The following MYNN variants were observed in gnomAD, a reference collection of about 807,000 sequenced individuals.
The protein encoded by MYNN is zinc finger and BTB domain-containing protein 31.
A neutral mutation model predicts 57.2 loss-of-function variants in MYNN; 22 were observed. The ratio of observed to expected loss-of-function variants is 0.38; its 90% CI spans 0.27 to 0.55. The LOEUF (loss-of-function observed/expected upper bound fraction) is 0.55. MYNN is among the 20% of genes least tolerant of loss of function. The pLI, the probability that MYNN is intolerant of heterozygous loss-of-function variation, is 0.71. For synonymous variants in MYNN, 241 were observed against 257.1 expected, an observed-to-expected ratio of 0.94 and a Z score of 0.60; for missense variants, 566 against 723.1, an observed-to-expected ratio of 0.78 and a Z score of 2.49.
chr3:169,783,440 T>C, intron 5 of MYNN, 37 bp from the exon 6 acceptor site: 1 of 1,142,208 alleles, frequency 8.8e-7, no homozygotes, highest in Non-Finnish European at 1.3e-6. Context: ...TATATTGGTA[T>C]AGTACACCAC....
chr3:169,779,426 A>G lies in MYNN; in HGVS notation c.925A>G (p.Lys309Glu), dbSNP rs1393428856. The change falls in exon 3 of 8, where the codon AAA (lysine) becomes GAA (glutamate). Residue 309 changes from lysine to glutamate, a missense_variant. By Grantham distance (56) the Lys-to-Glu change is moderately conservative. Transcript: ENST00000349841. ...KAKPMCNTCGKVFSEASSLRR... is the reference protein window; with the variant it reads ...KAKPMCNTCGEVFSEASSLRR... ...CAAGCCAATGTGTAACACATGTGGG[A>G]AAGTGTTTTCAGAAGCCAGCAGTTT... The G allele has an allele frequency of 6.2e-7, 1 of 1,614,092 alleles. No homozygotes were observed. Among genetic ancestry groups the G allele is most frequent in the Non-Finnish European group, 8.5e-7 (1 of 1,180,052 alleles).
At chr3:169,784,814 A>G (rs1404715880) in intron 7 of MYNN, 106 bp downstream of exon 7, 1 of 651,656 alleles carries the variant, frequency 1.5e-6, no homozygotes, top group Non-Finnish European at 2.5e-6. Flanking sequence ...AGCAGTTTAA[A>G]TTAGATGTCT....
intron 3 of MYNN, 27 bp downstream of exon 3, chr3:169,779,588 A>C (rs1371995293): frequency 6.3e-7 from 1 of 1,595,044 alleles, no homozygotes; most frequent in East Asian, 2.2e-5. Flanking sequence ...GGGAGATATT[A>C]TTTTTATACT....
Position 169,773,402 on chromosome 3 carries a change from G to C in MYNN, c.-92G>C, listed in dbSNP as rs938831952. On this transcript the variant is annotated 5_prime_UTR_variant, in exon 1 of 8. Coordinates refer to ENST00000349841, the MANE Select transcript of MYNN (RefSeq NM_018657.5). ...GAGGGGCGGAGCGTGGCTCGGTGACGTCCTCCCAAGATGGCGGAGACAGAG... is the reference window on the plus strand; with the variant it reads ...GAGGGGCGGAGCGTGGCTCGGTGACCTCCTCCCAAGATGGCGGAGACAGAG... 6.6e-6 allele frequency: 1 copy of C among 152,348 alleles called. No homozygotes were observed. The highest frequency in any genetic ancestry group is 2.4e-5 in the African/African-American group (1 of 41,456). 9.4% of individuals were successfully genotyped at this position (152,348 alleles called of 1,614,324 possible).
Position 169,782,726 on chromosome 3 carries a change from C to G in MYNN, c.1399+83C>G. On this transcript the variant is annotated intron_variant, in intron 5 of 7. Transcript: ENST00000349841. This position sits in a 1 kb window ranked among gnomAD's most constrained non-coding sequence, Gnocchi z 4.8. ...ACTTGGGCCTTTTAGCGAAGTAGAT[C>G]GGAAACTTTGTAGTTAGATATCTGT... 2 of 1,135,612 alleles carry G rather than the reference C, an allele frequency of 1.8e-6. No individual in the cohort carries two copies. Among genetic ancestry groups the G allele is most frequent in the South Asian group, 3.0e-5 (2 of 67,202 alleles). The allele number at this position is 1,135,612 out of a possible 1,614,324, so 70.3% of individuals were successfully genotyped here. A position where few individuals can be genotyped will look rare whatever the true frequency, so the allele number is the denominator to read the frequency against.
intron 7 of MYNN, among the ~76,000 whole-genome samples, chr3:169,785,914 A>G (rs193163154): frequency 3.7e-4 from 57 of 152,220 alleles, no homozygotes; most frequent in African/African-American, 1.3e-3. Context: ...TGAAAGTGCC[A>G]TACATACTGT....
chr3:169,785,074 G>GA, intron 7 of MYNN, among the ~76,000 whole-genome samples: 1 of 147,486 alleles, frequency 6.8e-6, no homozygotes. Context: ...AAAAAAAGGG[G>GA]GGGGGGGTGG....
In MYNN at chr3:169,782,541, C is replaced by A. The variant is rs1281623839; in HGVS notation, c.1297C>A (p.His433Asn). Residue 433 changes from histidine to asparagine, a missense_variant, in exon 5 of 8, where the codon CAT (histidine) becomes AAT (asparagine). Around this residue, in one of 4 missense-constraint regions of MYNN, gnomAD observed 123 missense variants for 222.6 expected, o/e 0.55. Transcript: ENST00000349841. The surrounding 1 kb of genome is among the most constrained non-coding windows in gnomAD (Gnocchi z 4.8). ...RFAQASTLTY[H>N]VRRHTGEKPY... ...TGCTCAAGCCAGCACACTGACCTAT[C>A]ATGTCCGTAGGCATACTGGAGAAAA... is the stretch of plus-strand genomic sequence containing the variant. The A allele has an allele frequency of 6.2e-7, 1 of 1,613,900 alleles. No homozygotes were observed. Among genetic ancestry groups the A allele is most frequent in the African/African-American group, 1.3e-5 (1 of 74,922 alleles).
intron 3 of MYNN, 25 bp downstream of exon 3, chr3:169,779,586 T>C (rs746213520): frequency 1.6e-5 from 25 of 1,597,800 alleles, no homozygotes; most frequent in East Asian, 1.1e-4. Context: ...TGGGGAGATA[T>C]TATTTTTATA....
intron 7 of MYNN, 62 bp downstream of exon 7, chr3:169,784,770 A>G (rs1778622781): frequency 2.9e-6 from 3 of 1,020,584 alleles, no homozygotes; most frequent in East Asian, 5.3e-5. Context: ...TATTAGTGCT[A>G]TTCCTTAAAA....
rs1282789262 is a variant in MYNN at position 169,788,857 on chromosome 3, A to C, written c.*2179A>C. 6.6e-6 allele frequency: 1 copy of C among 152,154 alleles called. No individual in the cohort carries two copies. The highest frequency in any genetic ancestry group is 1.5e-5 in the Non-Finnish European group (1 of 67,998). 9.4% of individuals were successfully genotyped at this position (152,154 alleles called of 1,614,324 possible). A position where few individuals can be genotyped will look rare whatever the true frequency, so the allele number is the denominator to read the frequency against. Reference sequence around the variant, plus strand: ...TCCCTTCTTTGGCATTCTTCTCTTAATGCTATGCTATTATTTATCATAATA... The same window carrying C: ...TCCCTTCTTTGGCATTCTTCTCTTACTGCTATGCTATTATTTATCATAATA... On this transcript the variant is annotated 3_prime_UTR_variant, in exon 8 of 8. Coordinates refer to ENST00000349841, the MANE Select transcript of MYNN (RefSeq NM_018657.5).
chr3:169,780,875 C>A, intron 4 of MYNN, 126 bp downstream of exon 4: 2 of 843,302 alleles, frequency 2.4e-6, no homozygotes, highest in Non-Finnish European at 3.4e-6. Context: ...AATGTTAACA[C>A]GTTCAAGGAA....
rs747828571 is a variant in MYNN at position 169,779,279 on chromosome 3, C to T, written c.778C>T (p.Arg260Cys). 6.2e-6 allele frequency: 10 copies of T among 1,614,018 alleles called. No homozygotes were observed. Among genetic ancestry groups the T allele is most frequent in the Admixed American group, 1.7e-5 (1 of 60,012 alleles). ...IVHTVTVKRKRGKSQPNCALK... is the reference protein window; with the variant it reads ...IVHTVTVKRKCGKSQPNCALK... Reference sequence around the variant, plus strand: ...GCACACTGTTACAGTGAAACGGAAACGTGGAAAATCACAGCCAAACTGTGC... The same window carrying T: ...GCACACTGTTACAGTGAAACGGAAATGTGGAAAATCACAGCCAAACTGTGC... Residue 260 changes from arginine to cysteine, a missense_variant, in exon 3 of 8, where the codon CGT (arginine) becomes TGT (cysteine). Physicochemically the swap from Arg to Cys is radical, Grantham distance 180. Transcript: ENST00000349841.
chr3:169,777,266 A>T (rs1778376380), intron 2 of MYNN: 1 of 152,220 alleles, frequency 6.6e-6, no homozygotes, highest in Non-Finnish European at 1.5e-5. Flanking sequence ...ATACTTTTAG[A>T]GATCTTAGAG....
At chr3:169,773,765 T>C (rs1778245105) in intron 1 of MYNN, among the ~76,000 whole-genome samples, 1 of 152,120 alleles carries the variant, frequency 6.6e-6, no homozygotes, top group East Asian at 1.9e-4. Flanking sequence ...TGATAGAACC[T>C]TTGACAGCAA....
In MYNN at chr3:169,787,442, G is replaced by A. The variant is rs9840387; in HGVS notation, c.*764G>A. The stretch of plus-strand genomic sequence containing the variant: ...TTTGATTCAGTTTATGTTTTATTCC[G>A]TTCTAAAATATTGGAGATGAGGAAA... On this transcript the variant is annotated 3_prime_UTR_variant, in exon 8 of 8. Transcript: ENST00000349841. The A allele has an allele frequency of 1.3e-5, 2 of 151,902 alleles. No homozygotes were observed. Among genetic ancestry groups the A allele is most frequent in the African/African-American group, 2.4e-5 (1 of 41,370 alleles). The allele number at this position is 151,902 out of a possible 1,614,324, so 9.4% of individuals were successfully genotyped here.
chr3:169,779,941 A>G (rs890921281), intron 3 of MYNN: 2 of 205,540 alleles, frequency 9.7e-6, no homozygotes, highest in African/African-American at 4.6e-5. Context: ...ACTTCTGAAC[A>G]TGTTCATTGG....
chr3:169,784,553 C>A (rs986682952), intron 6 of MYNN, 69 bp from the exon 7 acceptor site: 3 of 1,023,504 alleles, frequency 2.9e-6, no homozygotes, highest in African/African-American at 1.7e-5. Context: ...TGTTCATAAA[C>A]ATTGATATTT....
chr3:169,780,341 A>G (rs1265635080), intron 3 of MYNN: 3 of 296,664 alleles, frequency 1.0e-5, no homozygotes, highest in Non-Finnish European at 1.2e-5. Context: ...TATAGGCGTG[A>G]GCCACCGAGC....
Sources: gnomAD v4.1 joint callset for allele counts (sites outside exome capture counted in the v4.1 genomes callset) on GRCh38, gnomAD v4.1.1 for gene constraint, gnomAD v4.1.1 regional missense constraint, Gnocchi (gnomAD v3.1) non-coding constraint, MANE v1.5 for transcripts, NCBI Gene and HGNC (gene_info 2026-07-23, HGNC 2026-07-21) for gene names.